The following LEPR variants were observed in gnomAD, a reference collection of about 807,000 sequenced individuals.
The protein encoded by LEPR is OB receptor.
LEPR carries 56 observed loss-of-function variants against 114.7 expected under a neutral mutation model. The observed-to-expected ratio is 0.49, with a 90% CI of 0.39 to 0.61. The LOEUF is 0.61. Ranked by LOEUF, LEPR falls within the 20% of genes least tolerant of loss-of-function variation. The pLI is 0.00. For missense variants in LEPR, 1,202 were observed against 1,352.9 expected, an observed-to-expected ratio of 0.89 and a Z score of 1.75; for synonymous variants, 443 against 461.4, an observed-to-expected ratio of 0.96 and a Z score of 0.51.
chr1:65,629,227 C>A, intron 19 of LEPR: 1 of 280,664 alleles, frequency 3.6e-6, no homozygotes, highest in African/African-American at 2.3e-5. Flanking sequence ...TTGGAGCTCC[C>A]CTGCTATTTT....
chr1:65,633,078 G>T lies in LEPR; in HGVS notation c.2674-3113G>T. On this transcript the variant is annotated intron_variant, in intron 19 of 19. Coordinates refer to ENST00000349533, the MANE Select transcript of LEPR (RefSeq NM_002303.6). This position sits in a 1 kb window ranked among gnomAD's most constrained non-coding sequence, Gnocchi z 4.1. Reference sequence around the variant, plus strand: ...GAACCCATGCTTGACAATGTTTTTTGAAATCTTTTATCTTTTTCTTTGTGA... The same window carrying T: ...GAACCCATGCTTGACAATGTTTTTTTAAATCTTTTATCTTTTTCTTTGTGA... 8.8e-7 allele frequency: 1 copy of T among 1,131,916 alleles called. No homozygotes were observed. Among genetic ancestry groups the T allele is most frequent in the South Asian group, 1.3e-5 (1 of 78,684 alleles). 70.1% of individuals were successfully genotyped at this position (1,131,916 alleles called of 1,614,324 possible). A position where few individuals can be genotyped will look rare whatever the true frequency, so the allele number is the denominator to read the frequency against.
intron 14 of LEPR, among the ~76,000 whole-genome samples, chr1:65,610,838 C>T (rs1479572621): frequency 6.6e-6 from 1 of 152,170 alleles, no homozygotes; most frequent in East Asian, 1.9e-4. Context: ...TTTATTTGGT[C>T]AGTAAATGCC....
chr1:65,451,846 T>A (rs1219322870), intron 2 of LEPR, among the ~76,000 whole-genome samples: 1 of 152,080 alleles, frequency 6.6e-6, no homozygotes, highest in Admixed American at 6.6e-5. Flanking sequence ...GGTATGGCAT[T>A]GAATCTGTAA....
intron 19 of LEPR, among the ~76,000 whole-genome samples, chr1:65,630,001 T>TCTC (rs755798582): frequency 3.3e-5 from 5 of 152,148 alleles, no homozygotes; most frequent in Non-Finnish European, 7.3e-5. Flanking sequence ...AGTCTCCATC[T>TCTC]CTCCATGCCT....
At chr1:65,493,695 A>G (rs1647997744) in intron 2 of LEPR, among the ~76,000 whole-genome samples, 2 of 152,036 alleles carry the variant, frequency 1.3e-5, no homozygotes, top group African/African-American at 4.8e-5. Context: ...GCAGTCATTT[A>G]TTTACTTGTT....
chr1:65,447,534 CTTT>C (rs576747673), intron 2 of LEPR, among the ~76,000 whole-genome samples: 8 of 135,560 alleles, frequency 5.9e-5, no homozygotes, highest in Non-Finnish European at 9.7e-5. Context: ...TTTTTCTTTT[CTTT>C]TTTTTTTTTT....
At chr1:65,608,998 GTACATTCTCC>G in intron 12 of LEPR, 97 bp downstream of exon 12, 2 of 1,479,528 alleles carry the variant, frequency 1.4e-6, no homozygotes, top group Non-Finnish European at 1.9e-6. Context: ...TGGCATAAAA[GTACATTCTCC>G]TGTATTGTGT....
intron 2 of LEPR, among the ~76,000 whole-genome samples, chr1:65,470,719 T>C (rs1270914786): frequency 6.6e-6 from 1 of 152,256 alleles, no homozygotes; most frequent in Non-Finnish European, 1.5e-5. Flanking sequence ...AATTAAACTT[T>C]ATGCAACAAG....
At chr1:65,453,307 C>T (rs988336130) in intron 2 of LEPR, among the ~76,000 whole-genome samples, 49 of 152,050 alleles carry the variant, frequency 3.2e-4, no homozygotes, top group Non-Finnish European at 5.7e-4. Context: ...TTAGTTATTT[C>T]TTGCCTTCTG....
chr1:65,522,964 G>T (rs1229464242), intron 2 of LEPR, among the ~76,000 whole-genome samples: 2 of 152,018 alleles, frequency 1.3e-5, no homozygotes, highest in African/African-American at 4.8e-5. Flanking sequence ...TTGCTTAGCT[G>T]CTTGGTATTT....
chr1:65,570,529 T>C lies in LEPR; in HGVS notation c.97T>C (p.Phe33Leu), dbSNP rs771516633. 1.2e-6 allele frequency: 2 copies of C among 1,613,878 alleles called. No homozygotes were observed. Among genetic ancestry groups the C allele is most frequent in the African/African-American group, 2.7e-5 (2 of 74,938 alleles). Residue 33 changes from phenylalanine to leucine, a missense_variant, in exon 4 of 20, where the codon TTT (phenylalanine) becomes CTT (leucine). Phe to Leu is a conservative substitution (Grantham distance 22, BLOSUM62 0). Transcript: ENST00000349533. ...GTCATATCCAATTACTCCTTGGAGA[T>C]TTAAGTTGTCTTGCATGCCACCAAA... ...NLSYPITPWR[F>L]KLSCMPPNST...
chr1:65,525,342 TG>T (rs553727245), intron 2 of LEPR, among the ~76,000 whole-genome samples: 1 of 142,014 alleles, frequency 7.0e-6, no homozygotes, highest in Non-Finnish European at 1.6e-5. Flanking sequence ...GGGTCCGGGG[TG>T]GGGGGGTACT....
intron 2 of LEPR, among the ~76,000 whole-genome samples, chr1:65,525,086 G>A (rs1649833396): frequency 6.6e-6 from 1 of 152,194 alleles, no homozygotes; most frequent in Admixed American, 6.5e-5. Context: ...CCAGATGCGC[G>A]AATGCCCTCT....
At chr1:65,632,577 C>T (rs578045287) in intron 19 of LEPR, among the ~76,000 whole-genome samples, 3 of 152,218 alleles carry the variant, frequency 2.0e-5, no homozygotes, top group East Asian at 3.9e-4. Context: ...CCTCCCTCTA[C>T]TCTAATTAGC....
intron 2 of LEPR, among the ~76,000 whole-genome samples, chr1:65,534,661 T>C (rs930520197): frequency 6.6e-6 from 1 of 152,106 alleles, no homozygotes; most frequent in Non-Finnish European, 1.5e-5. Flanking sequence ...AGAGAATGAA[T>C]GAGAGTGAGT....
intron 2 of LEPR, among the ~76,000 whole-genome samples, chr1:65,513,015 T>G (rs747071832): frequency 3.3e-5 from 5 of 152,188 alleles, no homozygotes; most frequent in Non-Finnish European, 7.3e-5. Flanking sequence ...GAAAAAGCTC[T>G]TCACCTCCTT....
chr1:65,506,183 C>G (rs1350367473), intron 2 of LEPR, among the ~76,000 whole-genome samples: 1 of 152,134 alleles, frequency 6.6e-6, no homozygotes, highest in Non-Finnish European at 1.5e-5. Context: ...AAGAATCTTA[C>G]AAATCTGATG....
intron 6 of LEPR, among the ~76,000 whole-genome samples, chr1:65,595,389 T>C (rs6669117): frequency 0.5 from 76,345 of 151,898 alleles, 20,012 homozygotes; most frequent in East Asian, 0.88. Context: ...TTTTACAGTA[T>C]GCAGATAGGA....
chr1:65,557,599 T>C (rs1652912749), intron 2 of LEPR, among the ~76,000 whole-genome samples: 1 of 152,114 alleles, frequency 6.6e-6, no homozygotes, highest in Admixed American at 6.5e-5. Flanking sequence ...TTTGTATTTT[T>C]AGTAGAGACA....
Sources: gnomAD v4.1 joint callset for allele counts (sites outside exome capture counted in the v4.1 genomes callset) on GRCh38, gnomAD v4.1.1 for gene constraint, Gnocchi (gnomAD v3.1) non-coding constraint, MANE v1.5 for transcripts, NCBI Gene and HGNC (gene_info 2026-07-23, HGNC 2026-07-21) for gene names.